Variants in THSD4 observed in about 807,000 individuals in gnomAD.
THSD4 encodes the protein thrombospondin type-1 domain-containing protein 4.
Under a neutral mutation model 119.0 loss-of-function variants are expected in THSD4, and 69 were observed. That is an observed-to-expected ratio of 0.58 (90% CI 0.48 to 0.71). The LOEUF (loss-of-function observed/expected upper bound fraction) is 0.71. THSD4 is among the 30% of genes least tolerant of loss of function. The pLI, the probability that THSD4 is intolerant of heterozygous loss-of-function variation, is 0.00. For synonymous variants in THSD4, 524 were observed against 540.4 expected (o/e 0.97, Z 0.42); for missense variants, 1,393 against 1,391.1 (o/e 1.00, Z -0.02).
chr15:71,658,499 C>T (rs1192323633), intron 7 of THSD4, among the ~76,000 whole-genome samples: 1 of 152,130 alleles, frequency 6.6e-6, no homozygotes, highest in Non-Finnish European at 1.5e-5. Flanking sequence ...TCTACCTTCC[C>T]CCTTGATGAC....
At chr15:71,430,759 G>GCAAAA (rs2046932306) in intron 7 of THSD4, among the ~76,000 whole-genome samples, 2 of 82,956 alleles carry the variant, frequency 2.4e-5, no homozygotes, top group African/African-American at 4.8e-5. Flanking sequence ...TCTGTCTCAA[G>GCAAAA]AAAAAAAAAA....
chr15:71,580,413 A>G (rs929766060), intron 7 of THSD4, among the ~76,000 whole-genome samples: 2 of 152,202 alleles, frequency 1.3e-5, no homozygotes, highest in African/African-American at 4.8e-5. Flanking sequence ...TTTGATATAT[A>G]TATACATTGT....
intron 7 of THSD4, among the ~76,000 whole-genome samples, chr15:71,472,132 G>A (rs1595800358): frequency 6.6e-6 from 1 of 152,190 alleles, no homozygotes. Flanking sequence ...TCCCAGGCTG[G>A]TCTCAAACTC....
At chr15:71,639,257 T>G (rs2050808479) in intron 7 of THSD4, among the ~76,000 whole-genome samples, 1 of 152,194 alleles carries the variant, frequency 6.6e-6, no homozygotes, top group Non-Finnish European at 1.5e-5. Context: ...AGTACTTTCA[T>G]CAATTTGTAA....
chr15:71,536,018 A>C (rs2140826900), intron 7 of THSD4, among the ~76,000 whole-genome samples: 1 of 152,336 alleles, frequency 6.6e-6, no homozygotes, highest in East Asian at 1.9e-4. Context: ...AAGCTCATGA[A>C]GTTGCTCCTG....
rs111778020 is a variant in THSD4, at chr15:71,551,892, C to G, written c.1153-108638C>G. Among the ~76,000 whole-genome samples, 863 of 152,294 alleles carry G rather than the reference C, an allele frequency of 5.7e-3. 15 individuals are homozygous for G. Among genetic ancestry groups the G allele is most frequent in the African/African-American group, 0.02 (839 of 41,554 alleles). On this transcript the variant is annotated intron_variant, in intron 7 of 17. Coordinates refer to ENST00000261862, the MANE Select transcript of THSD4 (RefSeq NM_024817.3). ...ATACAGTAGAGGCGCAGCAAGCAAG[C>G]CACCCTTACCAGTTCTGGGAATGAT...
intron 7 of THSD4, among the ~76,000 whole-genome samples, chr15:71,444,176 A>G (rs2047148924): frequency 6.6e-6 from 1 of 152,226 alleles, no homozygotes; most frequent in Admixed American, 6.5e-5. Context: ...GTGGACAGGC[A>G]CGCAGAGAGG....
At chr15:71,158,182 C>T (rs993275903) in intron 3 of THSD4, among the ~76,000 whole-genome samples, 1 of 117,304 alleles carries the variant, frequency 8.5e-6, no homozygotes, top group African/African-American at 3.3e-5. Context: ...GAGATGGAGT[C>T]TCACACTGTC....
intron 8 of THSD4, among the ~76,000 whole-genome samples, chr15:71,683,166 C>T (rs1048639348): frequency 1.3e-5 from 2 of 151,936 alleles, no homozygotes; most frequent in African/African-American, 4.8e-5. Context: ...TAGTAATCTG[C>T]CTACCTTGAC....
At chr15:71,360,825 C>T (rs2045884565) in intron 6 of THSD4, among the ~76,000 whole-genome samples, 2 of 152,118 alleles carry the variant, frequency 1.3e-5, no homozygotes, top group African/African-American at 4.8e-5. Context: ...TTCCTTGAGC[C>T]AGAAGCATAA....
intron 8 of THSD4, among the ~76,000 whole-genome samples, chr15:71,675,265 G>C (rs1051928203): frequency 2.6e-5 from 4 of 152,008 alleles, no homozygotes; most frequent in Admixed American, 6.5e-5. Flanking sequence ...AAGAATAAAG[G>C]ACAGAAAAAA....
chr15:71,445,582 A>G (rs1456501609), intron 7 of THSD4, among the ~76,000 whole-genome samples: 1 of 152,186 alleles, frequency 6.6e-6, no homozygotes, highest in African/African-American at 2.4e-5. Context: ...TTACAGAAGC[A>G]CCAGCAAAGT....
At chr15:71,318,306 G>T (rs866623620) in intron 6 of THSD4, among the ~76,000 whole-genome samples, 1 of 152,148 alleles carries the variant, frequency 6.6e-6, no homozygotes, top group African/African-American at 2.4e-5. Flanking sequence ...AATGAAGGCC[G>T]AGGATGTCAG....
At chr15:71,766,472 A>G (rs2140233900) in intron 16 of THSD4, among the ~76,000 whole-genome samples, 1 of 152,356 alleles carries the variant, frequency 6.6e-6, no homozygotes, top group South Asian at 2.1e-4. Context: ...TAGAAAATAT[A>G]TGAATAAAAG....
chr15:71,697,377 A>G (rs1487652245), intron 8 of THSD4, among the ~76,000 whole-genome samples: 2 of 152,224 alleles, frequency 1.3e-5, no homozygotes, highest in Non-Finnish European at 2.9e-5. Context: ...GCTGGGACAC[A>G]GCAGCTTCAG....
intron 7 of THSD4, among the ~76,000 whole-genome samples, chr15:71,499,335 C>G (rs1037601864): frequency 6.6e-6 from 1 of 152,152 alleles, no homozygotes; most frequent in Non-Finnish European, 1.5e-5. Context: ...GCAGCAGTCT[C>G]TCAAACACTT....
chr15:71,631,142 G>A (rs1020831340), intron 7 of THSD4, among the ~76,000 whole-genome samples: 1 of 152,194 alleles, frequency 6.6e-6, no homozygotes, highest in African/African-American at 2.4e-5. Flanking sequence ...GGGTGCCCCA[G>A]AGTCATGGGC....
chr15:71,591,151 C>G (rs2049794529), intron 7 of THSD4, among the ~76,000 whole-genome samples: 1 of 150,970 alleles, frequency 6.6e-6, no homozygotes, highest in African/African-American at 2.4e-5. Context: ...CTTCTATAGA[C>G]TTCCTCTTAC....
intron 6 of THSD4, among the ~76,000 whole-genome samples, chr15:71,273,381 C>T (rs2140306067): frequency 6.6e-6 from 1 of 152,130 alleles, no homozygotes; most frequent in East Asian, 1.9e-4. Context: ...TTACCAGAGG[C>T]TGAGGAGGGA....
Sources: allele counts gnomAD v4.1 joint callset (sites outside exome capture counted in the v4.1 genomes callset), GRCh38; gene constraint gnomAD v4.1.1; transcripts MANE v1.5; gene names NCBI Gene and HGNC (gene_info 2026-07-23, HGNC 2026-07-21).